The following LOC400499 variants were observed in gnomAD, a reference collection of about 807,000 sequenced individuals.
At chr16:11,489,489 G>A in the LOC400499 span, among the ~76,000 whole-genome samples, 65 of 107,344 alleles carry the variant, frequency 6.1e-4, no homozygotes, top group East Asian at 0.011. Flanking sequence ...AGAGCCTCAG[G>A]GGACTGAATC....
the LOC400499 span, chr16:11,450,666 C>T: frequency 1.3e-6 from 2 of 1,536,176 alleles, no homozygotes; most frequent in Non-Finnish European, 1.7e-6. Flanking sequence ...TGTTGGGGCC[C>T]TGACTCCTGC....
the LOC400499 span, among the ~76,000 whole-genome samples, chr16:11,518,212 T>C: frequency 6.6e-6 from 1 of 152,154 alleles, no homozygotes; most frequent in Non-Finnish European, 1.5e-5. Flanking sequence ...CTCAGCAGCA[T>C]CCCCCATCCT....
chr16:11,415,422 A>T, the LOC400499 span, among the ~76,000 whole-genome samples: 3 of 152,184 alleles, frequency 2.0e-5, no homozygotes, highest in Non-Finnish European at 2.9e-5. Context: ...CACAGCCCTG[A>T]GCCTCGACTT....
the LOC400499 span, among the ~76,000 whole-genome samples, chr16:11,509,764 G>A: frequency 2.0e-5 from 3 of 152,122 alleles, no homozygotes; most frequent in Non-Finnish European, 2.9e-5. Flanking sequence ...CTGGGAGGCT[G>A]AGGTTGCAGT....
chr16:11,391,830 G>C, the LOC400499 span: 208 of 1,232,212 alleles, frequency 1.7e-4, no homozygotes, highest in Non-Finnish European at 2.0e-4. Flanking sequence ...AAGGAGGCCT[G>C]CCACGCCGTC....
the LOC400499 span, chr16:11,494,680 C>T: frequency 2.5e-6 from 1 of 399,488 alleles, no homozygotes; most frequent in Non-Finnish European, 4.4e-6. Flanking sequence ...AGGGCCCGTC[C>T]AGAGAAGCAC....
the LOC400499 span, among the ~76,000 whole-genome samples, chr16:11,374,276 A>T: frequency 6.6e-6 from 1 of 152,128 alleles, no homozygotes. Flanking sequence ...TAAAATGTTT[A>T]TCATCGTATC....
chr16:11,391,859 C>G, the LOC400499 span: 23 of 1,223,498 alleles, frequency 1.9e-5, no homozygotes, highest in Non-Finnish European at 2.2e-5. Flanking sequence ...CTGCCGGCTG[C>G]ACCTGGACAG....
the LOC400499 span, among the ~76,000 whole-genome samples, chr16:11,519,394 A>T: frequency 6.6e-6 from 1 of 152,016 alleles, no homozygotes; most frequent in South Asian, 2.1e-4. Context: ...AAGAAGGTAG[A>T]CTTTCTAAAA....
the LOC400499 span, chr16:11,385,186 A>C: frequency 4.9e-6 from 6 of 1,231,550 alleles, no homozygotes; most frequent in African/African-American, 4.7e-5. Context: ...TCAGTCCTAC[A>C]GGCTGCCATG....
At chr16:11,469,039 C>T in the LOC400499 span, 1 of 397,108 alleles carries the variant, frequency 2.5e-6, no homozygotes, top group African/African-American at 2.1e-5. Flanking sequence ...ATAGAACTAA[C>T]ACTTGTTAAC....
chr16:11,449,261 G>C, the LOC400499 span, among the ~76,000 whole-genome samples: 4,508 of 152,244 alleles, frequency 0.03, 151 homozygotes, highest in African/African-American at 0.085. Flanking sequence ...GACTGGTGCA[G>C]GTAGGCTAGT....
chr16:11,396,469 A>G, the LOC400499 span: 6 of 1,231,642 alleles, frequency 4.9e-6, no homozygotes, highest in African/African-American at 6.2e-5. Context: ...GGATGCCGGG[A>G]TATCTTTCCC....
chr16:11,384,723 A>G, the LOC400499 span, among the ~76,000 whole-genome samples: 13 of 152,196 alleles, frequency 8.5e-5, no homozygotes, highest in Admixed American at 8.5e-4. Flanking sequence ...GGTCAATGGC[A>G]TGAGGCTAGA....
At chr16:11,377,309 A>G in the LOC400499 span, among the ~76,000 whole-genome samples, 3 of 152,158 alleles carry the variant, frequency 2.0e-5, no homozygotes, top group East Asian at 5.8e-4. Context: ...AGATAATTTT[A>G]CTGCCTCCGT....
chr16:11,478,190 G>A, the LOC400499 span, among the ~76,000 whole-genome samples: 22 of 150,250 alleles, frequency 1.5e-4, no homozygotes, highest in African/African-American at 5.4e-4. Context: ...ACCATGCCTG[G>A]CTAATTTTTG....
chr16:11,473,225 T>C, the LOC400499 span: 1 of 151,780 alleles, frequency 6.6e-6, no homozygotes, highest in East Asian at 1.9e-4. Context: ...CTGTATTGTA[T>C]GTTATAGTTT....
chr16:11,494,674 C>A, the LOC400499 span: 7 of 399,386 alleles, frequency 1.8e-5, no homozygotes, highest in African/African-American at 1.4e-4. Context: ...GGCCGCAGGG[C>A]CCGTCCAGAG....
the LOC400499 span, chr16:11,448,852 G>A: frequency 7.8e-7 from 1 of 1,279,050 alleles, no homozygotes; most frequent in Non-Finnish European, 1.0e-6. Context: ...GAAGCAGGGA[G>A]AGAGGTAGGA....
Sources: allele counts gnomAD v4.1 joint callset (sites outside exome capture counted in the v4.1 genomes callset), GRCh38; gene constraint gnomAD v4.1.1; transcripts MANE v1.5.